IFT57: variants seen among roughly 807,000 people sequenced by gnomAD.
IFT57 encodes intraflagellar transport protein 57 homolog.
IFT57 carries 59 observed loss-of-function variants against 56.8 expected under a neutral mutation model. The observed-to-expected ratio is 1.04, with a 90% CI of 0.84 to 1.29. The LOEUF (loss-of-function observed/expected upper bound fraction) is 1.29, where lower values mean the gene tolerates loss of function less well. IFT57 is among the 50% of genes most tolerant of loss of function. The pLI is 0.00. For missense variants in IFT57, 470 were observed against 522.1 expected, an observed-to-expected ratio of 0.90 and a Z score of 0.97; for synonymous variants, 209 against 186.1, an observed-to-expected ratio of 1.12 and a Z score of -1.00.
intron 6 of IFT57, among the ~76,000 whole-genome samples, chr3:108,169,902 T>C (rs1299024115): frequency 2.0e-5 from 3 of 151,948 alleles, no homozygotes; most frequent in Non-Finnish European, 4.4e-5. Flanking sequence ...AAAAACCACA[T>C]GATTATCCCA....
intron 2 of IFT57, among the ~76,000 whole-genome samples, 165 bp downstream of exon 2, chr3:108,219,245 A>C (rs1458047965): frequency 1.3e-5 from 2 of 152,184 alleles, no homozygotes; most frequent in African/African-American, 2.4e-5. Context: ...ACATTTTCAG[A>C]AGTGACATTA....
At chr3:108,203,502 G>A (rs2080291219) in intron 5 of IFT57, among the ~76,000 whole-genome samples, 1 of 152,168 alleles carries the variant, frequency 6.6e-6, no homozygotes. Context: ...ATGAAAGGAA[G>A]GAATATAGGT....
At chr3:108,202,204 C>T (rs1207083100) in intron 5 of IFT57, among the ~76,000 whole-genome samples, 1 of 152,190 alleles carries the variant, frequency 6.6e-6, no homozygotes, top group Non-Finnish European at 1.5e-5. Context: ...AATGACACAT[C>T]TGCATTATGC....
chr3:108,191,720 T>C, intron 5 of IFT57, 77 bp from the exon 6 acceptor site: 1 of 890,370 alleles, frequency 1.1e-6, no homozygotes, highest in Non-Finnish European at 1.6e-6. Context: ...TTAGCAGTAC[T>C]GCACAATTTA....
Position 108,191,526 on chromosome 3 carries a change from T to C in IFT57, c.772A>G (p.Asn258Asp), listed in dbSNP as rs1232191737. Residue 258 changes from asparagine (N) to aspartate (D), a missense_variant, in exon 6 of 11, where the codon AAT becomes GAT. By Grantham distance (23) the Asn-to-Asp change is conservative. Coordinates refer to ENST00000264538, the MANE Select transcript of IFT57 (RefSeq NM_018010.4). ...ATGTGTTCCCACTTTGATACCTTAT[T>C]GTCAGTCCTAATCGTGACTTTCAGT... is the stretch of plus-strand genomic sequence containing the variant. ...PQLKVTIRTD[N>D]KDWRIHVDQM... 1.9e-6 allele frequency: 3 copies of C among 1,594,146 alleles called. No individual in the cohort carries two copies. The highest frequency in any genetic ancestry group is 2.7e-5 in the African/African-American group (2 of 73,908).
intron 6 of IFT57, among the ~76,000 whole-genome samples, chr3:108,183,321 T>A (rs541255487): frequency 6.6e-6 from 1 of 152,194 alleles, no homozygotes; most frequent in South Asian, 2.1e-4. Flanking sequence ...CCAGCTCATA[T>A]ACAAATATAT....
At chr3:108,187,633 G>C (rs952667991) in intron 6 of IFT57, among the ~76,000 whole-genome samples, 1 of 149,850 alleles carries the variant, frequency 6.7e-6, no homozygotes, top group African/African-American at 2.5e-5. Context: ...GGCTCAGAAG[G>C]GTGCCTGATT....
intron 6 of IFT57, among the ~76,000 whole-genome samples, chr3:108,185,005 G>A (rs1398173824): frequency 1.3e-5 from 2 of 152,108 alleles, no homozygotes; most frequent in Non-Finnish European, 2.9e-5. Flanking sequence ...ATGTACTGTA[G>A]ATTGAGGTCT....
rs2108317717 is a variant in IFT57 at position 108,191,622 on chromosome 3, G to C, written c.676C>G (p.Gln226Glu). Residue 226 changes from glutamine (Q) to glutamate (E), a missense_variant, in exon 6 of 11, where the codon CAA becomes GAA. Coordinates refer to ENST00000264538, the MANE Select transcript of IFT57 (RefSeq NM_018010.4). The stretch of plus-strand genomic sequence containing the variant: ...GTTGTGGATTCCAAAATATCTTCTT[G>C]TTTGGCAGTCTCGTTCATATCCTAA... The part of the protein sequence containing the change: ...YHLDMNETAK[Q>E]EDILESTTDA... 8.7e-6 allele frequency: 14 copies of C among 1,606,650 alleles called. No homozygotes were observed. Among genetic ancestry groups the C allele is most frequent in the Non-Finnish European group, 1.2e-5 (14 of 1,175,416 alleles).
At chr3:108,163,978 A>G (rs2080047699) in intron 9 of IFT57, among the ~76,000 whole-genome samples, 1 of 152,070 alleles carries the variant, frequency 6.6e-6, no homozygotes, top group South Asian at 2.1e-4. Flanking sequence ...ATGTTGCAAT[A>G]TACTAAACAC....
At chr3:108,190,480 C>T (rs946494740) in intron 6 of IFT57, among the ~76,000 whole-genome samples, 9 of 152,186 alleles carry the variant, frequency 5.9e-5, no homozygotes, top group Non-Finnish European at 1.2e-4. Context: ...AATTGTCTGG[C>T]ATTTCTCCTG....
Position 108,166,999 on chromosome 3 carries a change from G to C in IFT57, c.850-14C>G, listed in dbSNP as rs369277979. On this transcript the variant is annotated splice_polypyrimidine_tract_variant and intron_variant, in intron 7 of 10. Coordinates refer to ENST00000264538, the MANE Select transcript of IFT57 (RefSeq NM_018010.4). ...GTCCAAAAATCCCTAGAAATTCCAT[G>C]GAATTTGCAGATAGAAGAACTCACA... The C allele has an allele frequency of 3.1e-6, 5 of 1,598,702 alleles. No individual in the cohort carries two copies. The highest frequency in any genetic ancestry group is 1.7e-5 in the Admixed American group (1 of 57,746).
intron 6 of IFT57, among the ~76,000 whole-genome samples, chr3:108,174,028 GTGTGTGTGTGTGTGTGTT>G (rs1424466508): frequency 6.7e-6 from 1 of 150,272 alleles, no homozygotes; most frequent in African/African-American, 2.5e-5. Context: ...GTGTGTGTGT[GTGTGTGTGTGTGTGTGTT>G]TAAGACAGGG....
intron 1 of IFT57, among the ~76,000 whole-genome samples, chr3:108,220,646 T>C (rs2080400958): frequency 6.6e-6 from 1 of 152,210 alleles, no homozygotes; most frequent in African/African-American, 2.4e-5. Context: ...ATAGATACTG[T>C]AAACCTAGGA....
intron 5 of IFT57, among the ~76,000 whole-genome samples, chr3:108,198,779 A>G (rs1035205711): frequency 3.3e-5 from 5 of 151,988 alleles, no homozygotes; most frequent in Non-Finnish European, 4.4e-5. Context: ...ATTATTTGTT[A>G]TTGTGATCCA....
intron 10 of IFT57, among the ~76,000 whole-genome samples, chr3:108,162,893 G>A (rs1025360629): frequency 1.4e-4 from 22 of 152,002 alleles, no homozygotes; most frequent in African/African-American, 4.6e-4. Flanking sequence ...CTTTTCTAGG[G>A]GAAAGAGCTG....
chr3:108,186,366 T>A (rs2080182336), intron 6 of IFT57, among the ~76,000 whole-genome samples: 1 of 148,288 alleles, frequency 6.7e-6, no homozygotes, highest in African/African-American at 2.5e-5. Flanking sequence ...TTTCAAAATA[T>A]GGATTTTGGA....
chr3:108,206,024 TTG>T (rs1491194830), intron 5 of IFT57, among the ~76,000 whole-genome samples: 3 of 105,738 alleles, frequency 2.8e-5, no homozygotes, highest in Admixed American at 1.1e-4. Context: ...ATATAATATA[TTG>T]TATATTATTT....
At chr3:108,202,144 A>G (rs1269947771) in intron 5 of IFT57, among the ~76,000 whole-genome samples, 2 of 152,226 alleles carry the variant, frequency 1.3e-5, no homozygotes, top group Non-Finnish European at 2.9e-5. Flanking sequence ...TAAAAATAGA[A>G]TTCAGAGAGT....
Sources: gnomAD v4.1 joint callset for allele counts (sites outside exome capture counted in the v4.1 genomes callset) on GRCh38, gnomAD v4.1.1 for gene constraint, MANE v1.5 for transcripts, NCBI Gene and HGNC (gene_info 2026-07-23, HGNC 2026-07-21) for gene names.